PRKCA: variants seen among roughly 807,000 people sequenced by gnomAD.
PRKCA encodes the protein protein kinase C alpha type.
Under a neutral mutation model 87.0 loss-of-function variants are expected in PRKCA, and 27 were observed. The ratio of observed to expected loss-of-function variants is 0.31; its 90% CI spans 0.23 to 0.43. The LOEUF (loss-of-function observed/expected upper bound fraction) is 0.43. PRKCA is among the 20% of genes least tolerant of loss of function. The probability of loss-of-function intolerance (pLI) is 1.00; values close to 1 mark genes in which losing one functional copy is unlikely to be tolerated. For synonymous variants in PRKCA, 329 were observed against 311.1 expected (o/e 1.06, Z -0.61); for missense variants, 518 against 852.3 (o/e 0.61, Z 4.88).
chr17:66,790,740 CT>C (rs544047400), intron 16 of PRKCA, among the ~76,000 whole-genome samples: 179 of 152,240 alleles, frequency 1.2e-3, no homozygotes, highest in Non-Finnish European at 2.2e-3. Flanking sequence ...TAAAACATGT[CT>C]TTTTCTATTT....
intron 3 of PRKCA, among the ~76,000 whole-genome samples, chr17:66,582,848 AG>A (rs1369442490): frequency 6.6e-6 from 1 of 152,158 alleles, no homozygotes; most frequent in Non-Finnish European, 1.5e-5. Context: ...CTAAAGCCAG[AG>A]GAGGCCTGCA....
At chr17:66,750,730 A>C (rs1974410004) in intron 13 of PRKCA, among the ~76,000 whole-genome samples, 1 of 152,222 alleles carries the variant, frequency 6.6e-6, no homozygotes, top group Non-Finnish European at 1.5e-5. Flanking sequence ...ATCCCAGACC[A>C]GGGCTGAGCA....
chr17:66,616,586 A>G (rs1249989787), intron 3 of PRKCA, among the ~76,000 whole-genome samples: 1 of 152,210 alleles, frequency 6.6e-6, no homozygotes, highest in Non-Finnish European at 1.5e-5. Flanking sequence ...TCTAAGAGCC[A>G]TGCAGACTGA....
chr17:66,385,564 TA>T (rs1219742382), intron 2 of PRKCA, among the ~76,000 whole-genome samples: 2 of 152,126 alleles, frequency 1.3e-5, no homozygotes, highest in Non-Finnish European at 2.9e-5. Flanking sequence ...AAAACTCTTT[TA>T]AAAATTAAAA....
chr17:66,675,480 A>G (rs951481188), intron 5 of PRKCA, among the ~76,000 whole-genome samples: 1 of 152,178 alleles, frequency 6.6e-6, no homozygotes, highest in Non-Finnish European at 1.5e-5. Context: ...GTCCCTTTGC[A>G]CACAGGTTCT....
intron 3 of PRKCA, among the ~76,000 whole-genome samples, chr17:66,563,815 G>A (rs1157431162): frequency 1.3e-5 from 2 of 152,222 alleles, no homozygotes; most frequent in Admixed American, 6.5e-5. Context: ...CTGTGCAGAG[G>A]TACGTTGGAT....
chr17:66,333,057 G>T (rs951526117), intron 2 of PRKCA, among the ~76,000 whole-genome samples: 1 of 152,144 alleles, frequency 6.6e-6, no homozygotes. Context: ...GGACGCTTAA[G>T]TGTTCTTTGT....
chr17:66,568,148 C>G (rs977750386), intron 3 of PRKCA, among the ~76,000 whole-genome samples: 2 of 152,060 alleles, frequency 1.3e-5, no homozygotes, highest in African/African-American at 4.8e-5. Flanking sequence ...AACCCCATCT[C>G]TAGTAAAATT....
intron 5 of PRKCA, among the ~76,000 whole-genome samples, chr17:66,665,198 T>C (rs1332745682): frequency 1.3e-5 from 2 of 152,202 alleles, no homozygotes; most frequent in African/African-American, 4.8e-5. Context: ...TTTACTTGTA[T>C]AATCTTTTTT....
chr17:66,556,362 TG>T (rs1968494824), intron 3 of PRKCA, among the ~76,000 whole-genome samples: 1 of 148,158 alleles, frequency 6.7e-6, no homozygotes, highest in Non-Finnish European at 1.5e-5. Flanking sequence ...ATAGTCTTCA[TG>T]GGCATTAGGT....
intron 2 of PRKCA, chr17:66,415,477 A>G (rs1912083138): frequency 6.6e-6 from 1 of 152,202 alleles, no homozygotes; most frequent in Admixed American, 6.5e-5. Context: ...CTTTTGGCCC[A>G]AAGGTAGCCC....
At chr17:66,428,627 C>T (rs796233699) in intron 2 of PRKCA, among the ~76,000 whole-genome samples, 1 of 152,064 alleles carries the variant, frequency 6.6e-6, no homozygotes, top group East Asian at 1.9e-4. Context: ...CTTCAGCCTC[C>T]CGAGAAGCTG....
chr17:66,571,607 T>G (rs1196167870), intron 3 of PRKCA, among the ~76,000 whole-genome samples: 1 of 138,408 alleles, frequency 7.2e-6, no homozygotes, highest in Admixed American at 7.1e-5. Flanking sequence ...TTTAATGAAC[T>G]TAAATTTAAT....
chr17:66,494,747 C>G (rs1916393330), intron 2 of PRKCA, among the ~76,000 whole-genome samples: 3 of 152,164 alleles, frequency 2.0e-5, no homozygotes, highest in Admixed American at 1.3e-4. Flanking sequence ...AGACTTCAAG[C>G]TTTCAAGGAG....
At chr17:66,537,902 T>A (rs1018087974) in intron 3 of PRKCA, among the ~76,000 whole-genome samples, 1 of 152,006 alleles carries the variant, frequency 6.6e-6, no homozygotes, top group African/African-American at 2.4e-5. Flanking sequence ...ACCTCCTGGG[T>A]TTAAGGGGTT....
chr17:66,570,563 C>T (rs935505958), intron 3 of PRKCA, among the ~76,000 whole-genome samples: 14 of 152,234 alleles, frequency 9.2e-5, no homozygotes, highest in Admixed American at 8.5e-4. Flanking sequence ...GAGGAGGAGG[C>T]GGTGCCAGTG....
At chr17:66,690,453 C>A (rs1352180874) in intron 8 of PRKCA, among the ~76,000 whole-genome samples, 2 of 152,200 alleles carry the variant, frequency 1.3e-5, no homozygotes, top group East Asian at 3.9e-4. Flanking sequence ...ATTGCCGGAT[C>A]TTCCTTCTTC....
rs564686375 is a variant in PRKCA, at chr17:66,797,088, G to A, written c.1855-6785G>A. On this transcript the variant is annotated intron_variant, in intron 16 of 16. Transcript: ENST00000413366. ...TTGTATTCTACATGACTGAGACGCC[G>A]AGGTAAAGGGCAGGGGTGAGACCAA... is the stretch of plus-strand genomic sequence containing the variant. 186 of 755,252 alleles carry A rather than the reference G, an allele frequency of 2.5e-4. No homozygotes were observed. In the South Asian group the frequency reaches 5.0e-3, roughly 20 times the overall value. The allele number at this position is 755,252 out of a possible 1,614,324, so 46.8% of individuals were successfully genotyped here. A position where few individuals can be genotyped will look rare whatever the true frequency, so the allele number is the denominator to read the frequency against.
At chr17:66,364,503 G>A (rs1390895001) in intron 2 of PRKCA, among the ~76,000 whole-genome samples, 1 of 152,144 alleles carries the variant, frequency 6.6e-6, no homozygotes, top group African/African-American at 2.4e-5. Flanking sequence ...CCTTAAACAA[G>A]TAGCCCTGTA....
Sources: allele counts gnomAD v4.1 joint callset (sites outside exome capture counted in the v4.1 genomes callset), GRCh38; gene constraint gnomAD v4.1.1; transcripts MANE v1.5; gene names NCBI Gene and HGNC (gene_info 2026-07-23, HGNC 2026-07-21).